PARVB: variants seen among roughly 807,000 people sequenced by gnomAD.
PARVB encodes beta-parvin.
In PARVB, 46 loss-of-function variants were observed where a neutral mutation model predicts 47.0. The observed-to-expected ratio is 0.98, with a 90% CI of 0.77 to 1.25. The LOEUF is 1.25. Among genes scored for constraint, PARVB ranks in the 50% most tolerant of loss-of-function variants. The probability of loss-of-function intolerance (pLI) is 0.00; values close to 1 mark genes in which losing one functional copy is unlikely to be tolerated. For synonymous variants in PARVB, 196 were observed against 196.3 expected (o/e 1.00, Z 0.01); for missense variants, 473 against 471.6 (o/e 1.00, Z -0.03).
chr22:44,134,892 C>T (rs573627382), intron 6 of PARVB, among the ~76,000 whole-genome samples: 1 of 152,356 alleles, frequency 6.6e-6, no homozygotes, highest in African/African-American at 2.4e-5. Flanking sequence ...AGCTTCATGT[C>T]TACAATCCTA....
intron 10 of PARVB, among the ~76,000 whole-genome samples, chr22:44,154,204 A>ATT (rs77339857): frequency 6.6e-6 from 1 of 151,898 alleles, no homozygotes; most frequent in Non-Finnish European, 1.5e-5. Flanking sequence ...CAATATCTTC[A>ATT]TTTTTTTCCC....
intron 1 of PARVB, among the ~76,000 whole-genome samples, chr22:44,085,082 C>T (rs918819461): frequency 2.6e-5 from 4 of 152,094 alleles, no homozygotes; most frequent in African/African-American, 4.8e-5. Context: ...AATTTTGATA[C>T]GTACACATAG....
chr22:44,092,389 G>A (rs2052190889), intron 1 of PARVB, among the ~76,000 whole-genome samples: 1 of 152,188 alleles, frequency 6.6e-6, no homozygotes, highest in South Asian at 2.1e-4. Flanking sequence ...GATTACAGGT[G>A]TGAGCCACCG....
intron 7 of PARVB, 114 bp from the exon 8 acceptor site, chr22:44,140,010 G>A (rs1359116648): frequency 3.2e-5 from 42 of 1,325,058 alleles, no homozygotes; most frequent in Non-Finnish European, 4.4e-5. Flanking sequence ...CTTTACCTGG[G>A]CAGCGAGGGC....
intron 6 of PARVB, among the ~76,000 whole-genome samples, chr22:44,133,355 A>C (rs1176935137): frequency 6.6e-6 from 1 of 152,150 alleles, no homozygotes; most frequent in Non-Finnish European, 1.5e-5. Context: ...CCGCGGGATG[A>C]AACAGACACC....
intron 1 of PARVB, chr22:44,081,539 A>G (rs2051900150): frequency 7.6e-6 from 7 of 925,278 alleles, no homozygotes; most frequent in Non-Finnish European, 7.7e-6. Flanking sequence ...CACATTAATT[A>G]ATACGAGTTT....
chr22:44,040,827 C>T (rs2051005627), intron 1 of PARVB, among the ~76,000 whole-genome samples: 1 of 151,568 alleles, frequency 6.6e-6, no homozygotes, highest in Non-Finnish European at 1.5e-5. Flanking sequence ...CACGGTGAAA[C>T]CCCGTCTCTA....
upstream of PARVB, among the ~76,000 whole-genome samples, chr22:44,021,254 C>T (rs1350941085): frequency 6.6e-6 from 1 of 152,200 alleles, no homozygotes; most frequent in Admixed American, 6.5e-5. Flanking sequence ...GGAGGCTGGA[C>T]TCCTCCTGAA....
At position 44,006,553 on chromosome 22, in the gene PARVB, A is replaced by G. The variant is rs192407537; in HGVS notation, c.211+6880A>G. The stretch of plus-strand genomic sequence containing the variant: ...GGCAGGGGAATCACTTGAGCCCAGA[A>G]GGCAGAGGTTGCAGTGAGCCGAGAT... On this transcript the variant is annotated intron_variant, in intron 2 of 13. Transcript: ENST00000406477. Among the ~76,000 whole-genome samples, 1,123 of 152,350 alleles carry G rather than the reference A, an allele frequency of 7.4e-3. 9 individuals are homozygous for G. Among genetic ancestry groups the G allele is most frequent in the African/African-American group, 0.026 (1,079 of 41,588 alleles).
chr22:44,089,689 A>G lies in PARVB; in HGVS notation c.113-4239A>G, dbSNP rs1295813127. Reference sequence around the variant, plus strand: ...TTCCAAAAATCACACCGATCCTCTGAAGGTGACGATCAGATCCAGGCTGCA... The same window carrying G: ...TTCCAAAAATCACACCGATCCTCTGGAGGTGACGATCAGATCCAGGCTGCA... On this transcript the variant is annotated intron_variant, in intron 1 of 12. Transcript: ENST00000338758. This position sits in a 1 kb window ranked among gnomAD's most constrained non-coding sequence, Gnocchi z 4.0. 6.6e-6 allele frequency: 1 copy of G among 152,278 alleles called. No individual in the cohort carries two copies. The highest frequency in any genetic ancestry group is 1.5e-5 in the Non-Finnish European group (1 of 68,102). The allele number at this position is 152,278 out of a possible 1,614,324, so 9.4% of individuals were successfully genotyped here.
In PARVB at chr22:44,084,212, G is replaced by A. The variant is rs564448765; in HGVS notation, c.113-9716G>A. Reference sequence around the variant, plus strand: ...CAGTGCAGTTCATTAGCTCTAACTGGGCCATGCCCATCCCTGACTGTGTTC... The same window carrying A: ...CAGTGCAGTTCATTAGCTCTAACTGAGCCATGCCCATCCCTGACTGTGTTC... On this transcript the variant is annotated intron_variant, in intron 1 of 12. Transcript: ENST00000338758. 4.6e-5 allele frequency among the ~76,000 whole-genome samples: 7 copies of A among 152,256 alleles called. No individual in the cohort carries two copies. In the South Asian group the frequency reaches 1.5e-3, roughly 32 times the overall value.
chr22:44,155,076 G>C lies in PARVB; in HGVS notation c.844-2906G>C, dbSNP rs952724897. Among the ~76,000 whole-genome samples the C allele has an allele frequency of 2.3e-4, 34 of 149,328 alleles. 1 individual carries two copies. Among genetic ancestry groups the C allele is most frequent in the Middle Eastern group, 3.5e-3 (1 of 286 alleles). On this transcript the variant is annotated intron_variant, in intron 10 of 12. Coordinates refer to ENST00000338758, the MANE Select transcript of PARVB (RefSeq NM_013327.5). This position sits in a 1 kb window ranked among gnomAD's most constrained non-coding sequence, Gnocchi z 4.8. ...TGTGTGTGGTTTTTGTAGTCTGTGTGGTGTGTGTGTGGTGTAGGTGTGTGT... is the reference window on the plus strand; with the variant it reads ...TGTGTGTGGTTTTTGTAGTCTGTGTCGTGTGTGTGTGGTGTAGGTGTGTGT...
intron 12 of PARVB, among the ~76,000 whole-genome samples, chr22:44,167,762 G>A (rs375032417): frequency 2.7e-5 from 4 of 145,606 alleles, no homozygotes; most frequent in African/African-American, 5.0e-5. Context: ...CAAGCCCACC[G>A]AGCTGAGTTC....
intron 11 of PARVB, among the ~76,000 whole-genome samples, chr22:44,158,354 C>G (rs186082652): frequency 6.6e-6 from 1 of 152,200 alleles, no homozygotes; most frequent in Admixed American, 6.6e-5. Context: ...GATCACATCT[C>G]GGTAGAGTTG....
chr22:44,093,824 C>T, intron 1 of PARVB, 104 bp from the exon 2 acceptor site: 1 of 700,752 alleles, frequency 1.4e-6, no homozygotes, highest in Non-Finnish European at 2.5e-6. Context: ...TTGTTAAATG[C>T]TGAAAAAAAC....
chr22:44,037,952 C>CCCAGCT (rs202030987), intron 1 of PARVB, among the ~76,000 whole-genome samples: 5 of 145,898 alleles, frequency 3.4e-5, no homozygotes, highest in African/African-American at 5.1e-5. Context: ...CCCAGCCCAG[C>CCCAGCT]CCAGCTCCAG....
At chr22:44,041,105 GGATA>G (rs1470460720) in intron 1 of PARVB, among the ~76,000 whole-genome samples, 2 of 152,204 alleles carry the variant, frequency 1.3e-5, no homozygotes, top group Non-Finnish European at 2.9e-5. Flanking sequence ...ATGGATTGCT[GGATA>G]GATAGAGGGA....
chr22:44,129,333 C>T (rs566389404), intron 4 of PARVB, among the ~76,000 whole-genome samples: 3 of 152,218 alleles, frequency 2.0e-5, no homozygotes, highest in East Asian at 1.9e-4. Context: ...CATAAATCTC[C>T]GTTGTTTAAG....
intron 1 of PARVB, among the ~76,000 whole-genome samples, chr22:44,086,423 G>A (rs2052025809): frequency 6.6e-6 from 1 of 152,132 alleles, no homozygotes; most frequent in African/African-American, 2.4e-5. Flanking sequence ...TTATTCCTCC[G>A]ATTTGTAATC....
Sources: allele counts gnomAD v4.1 joint callset (sites outside exome capture counted in the v4.1 genomes callset), GRCh38; gene constraint gnomAD v4.1.1; non-coding constraint Gnocchi (gnomAD v3.1); transcripts MANE v1.5; gene names NCBI Gene and HGNC (gene_info 2026-07-23, HGNC 2026-07-21).